HENMT1: variants seen among roughly 807,000 people sequenced by gnomAD.
HENMT1 encodes the protein small RNA 2'-O-methyltransferase.
In HENMT1, 27 loss-of-function variants were observed where a neutral mutation model predicts 31.1. The ratio of observed to expected loss-of-function variants is 0.87; its 90% CI spans 0.64 to 1.20. The LOEUF is 1.20. Ranked by LOEUF, HENMT1 falls within the 50% of genes most tolerant of loss-of-function variation. HENMT1 has a pLI of 0.00. For missense variants in HENMT1, 438 were observed against 469.6 expected (o/e 0.93, Z 0.62); for synonymous variants, 167 against 172.2 (o/e 0.97, Z 0.24).
In HENMT1 at chr1:108,648,728, G is replaced by A. The variant is rs758423454; in HGVS notation, c.1020C>T (p.Phe340=). The part of the protein sequence containing the change: ...PTPFCVGDKF[F]VPLQRLLAYP... ...ACGCAAGGAGTCTCTGCAGAGGTAC[G>A]AAAAATTTATCTCCAACACAGAAGG... The change falls in exon 8 of 8, where the codon TTC becomes TTT. Residue 340 remains phenylalanine (F), a synonymous_variant. Transcript: ENST00000651461. The A allele has an allele frequency of 9.9e-6, 16 of 1,614,090 alleles. No individual in the cohort carries two copies. In the African/African-American group the frequency reaches 1.3e-4, roughly 13 times the overall value.
rs1369073230 is a variant in HENMT1, at chr1:108,648,659, T to G, written c.1089A>C (p.Arg363Ser). The change falls in exon 8 of 8, where the codon AGA becomes AGC. Residue 363 changes from arginine (R) to serine (S), a missense_variant. Coordinates refer to ENST00000651461, the MANE Select transcript of HENMT1 (RefSeq NM_001102592.2). ...NRLCANEEMM[R>S]SVIADSIPLS... ...GAGGAATTGAGTCAGCAATGACTGA[T>G]CTCATCATCTCTTCATTAGCACATA... The G allele has an allele frequency of 4.3e-6, 7 of 1,614,086 alleles. No individual in the cohort carries two copies. The highest frequency in any genetic ancestry group is 5.9e-6 in the Non-Finnish European group (7 of 1,179,970).
Position 108,651,079 on chromosome 1 carries a change from T to C in HENMT1, c.529A>G (p.Arg177Gly). The C allele has an allele frequency of 6.2e-7, 1 of 1,613,892 alleles. No homozygotes were observed. The highest frequency in any genetic ancestry group is 8.5e-7 in the Non-Finnish European group (1 of 1,179,766). The stretch of plus-strand genomic sequence containing the variant: ...CACTCAAATTTATGATCTGAATCTC[T>C]TAAGGTCACTGATGGAAACAGGGGA... ...FNPLFPSVTL[R>G]DSDHKFEWTR... The change falls in exon 6 of 8, where the codon AGA (arginine) becomes GGA (glycine). Residue 177 changes from arginine (R) to glycine (G), a missense_variant. Transcript: ENST00000651461.
Position 108,659,889 on chromosome 1 carries a change from T to C in HENMT1, c.-5A>G. On this transcript the variant is annotated 5_prime_UTR_variant, in exon 2 of 8. Transcript: ENST00000651461. ...CTGTAGATTATTTTCTTCCATTTTG[T>C]TTCGAAGTTTTGTTGAAACAAAAAT... 4 of 1,599,164 alleles carry C rather than the reference T, an allele frequency of 2.5e-6. No individual in the cohort carries two copies. The highest frequency in any genetic ancestry group is 3.4e-6 in the Non-Finnish European group (4 of 1,172,450).
intron 7 of HENMT1, among the ~76,000 whole-genome samples, chr1:108,649,827 T>A (rs1460440022): frequency 6.6e-6 from 1 of 152,136 alleles, no homozygotes; most frequent in Non-Finnish European, 1.5e-5. Flanking sequence ...TTCTGGGTGT[T>A]TTTTTGTAGA....
At chr1:108,653,746 C>T (rs1326354803) in intron 5 of HENMT1, among the ~76,000 whole-genome samples, 3 of 152,076 alleles carry the variant, frequency 2.0e-5, no homozygotes, top group African/African-American at 4.8e-5. Flanking sequence ...CTGTTCAGGT[C>T]CTTTGCCCAC....
Position 108,648,614 on chromosome 1 carries a change from T to G in HENMT1, c.1134A>C (p.Ala378=). The change falls in exon 8 of 8, where the codon GCA becomes GCC. Residue 378 remains alanine (A), a synonymous_variant. Coordinates refer to ENST00000651461, the MANE Select transcript of HENMT1 (RefSeq NM_001102592.2). Reference sequence around the variant, plus strand: ...AATAATTACGCAGGTCAGCCACCACTGCAGAACCATCACTGCTCAGAGGAA... The same window carrying G: ...AATAATTACGCAGGTCAGCCACCACGGCAGAACCATCACTGCTCAGAGGAA... ...DSIPLSSDGS[A]VVADLRNYFD... The G allele has an allele frequency of 6.2e-7, 1 of 1,614,258 alleles. No individual in the cohort carries two copies. The highest frequency in any genetic ancestry group is 8.5e-7 in the Non-Finnish European group (1 of 1,180,040).
Position 108,651,060 on chromosome 1 carries a change from A to G in HENMT1, c.548T>C (p.Phe183Ser). The part of the protein sequence containing the change: ...SVTLRDSDHK[F>S]EWTRMEFQTW... ...CTGAAACTCCATTCTGGTCCACTCA[A>G]ATTTATGATCTGAATCTCTTAAGGT... Residue 183 changes from phenylalanine to serine, a missense_variant, in exon 6 of 8, where the codon TTT becomes TCT. By Grantham distance (155) the Phe-to-Ser change is radical (BLOSUM62 -2). Coordinates refer to ENST00000651461, the MANE Select transcript of HENMT1 (RefSeq NM_001102592.2). 2.5e-6 allele frequency: 4 copies of G among 1,613,982 alleles called. No homozygotes were observed. Among genetic ancestry groups the G allele is most frequent in the Admixed American group, 1.7e-5 (1 of 60,020 alleles).
intron 5 of HENMT1, among the ~76,000 whole-genome samples, chr1:108,652,393 A>G (rs1316654715): frequency 6.6e-6 from 1 of 152,246 alleles, no homozygotes. Flanking sequence ...TACACGTAGA[A>G]AGTTATATTT....
chr1:108,651,748 G>A (rs930059466), intron 5 of HENMT1, among the ~76,000 whole-genome samples: 10 of 151,360 alleles, frequency 6.6e-5, no homozygotes, highest in African/African-American at 2.4e-4. Context: ...AGAAGAGAGG[G>A]GAAGGGAGGG....
intron 2 of HENMT1, among the ~76,000 whole-genome samples, 200 bp downstream of exon 2, chr1:108,659,664 G>C (rs555518597): frequency 1.2e-4 from 19 of 152,310 alleles, no homozygotes; most frequent in African/African-American, 3.8e-4. Flanking sequence ...TTAACACCTA[G>C]TGATAAAAGT....
intron 2 of HENMT1, 88 bp from the exon 3 acceptor site, chr1:108,657,667 TCC>T: frequency 7.8e-7 from 1 of 1,285,110 alleles, no homozygotes; most frequent in Non-Finnish European, 1.1e-6. Context: ...AAACTTTATT[TCC>T]CCCAATCACT....
At chr1:108,649,310 G>C (rs1344707958) in intron 7 of HENMT1, 1 of 482,538 alleles carries the variant, frequency 2.1e-6, no homozygotes, top group Non-Finnish European at 4.1e-6. Context: ...CAGTTAAAAG[G>C]GAAAACGTGG....
At position 108,650,201 on chromosome 1, in the gene HENMT1, G is replaced by C. The variant is rs766302761; in HGVS notation, c.756+10C>G. On this transcript the variant is annotated intron_variant, in intron 7 of 7. Coordinates refer to ENST00000651461, the MANE Select transcript of HENMT1 (RefSeq NM_001102592.2). ...CTAGCCCTGATAGCTATCTCACAAA[G>C]AATACTCACAGCTTTATAAACATGC... 6.2e-7 allele frequency: 1 copy of C among 1,612,312 alleles called. No homozygotes were observed.
chr1:108,655,794 C>T (rs1658218352), intron 3 of HENMT1, 96 bp from the exon 4 acceptor site: 1 of 550,918 alleles, frequency 1.8e-6, no homozygotes, highest in Non-Finnish European at 3.2e-6. Flanking sequence ...GAGTATATAT[C>T]AGTAATAAAA....
At position 108,651,226 on chromosome 1, in the gene HENMT1, G is replaced by A. The variant is rs377579588; in HGVS notation, c.399-17C>T. 6 of 1,590,878 alleles carry A rather than the reference G, an allele frequency of 3.8e-6. No individual in the cohort carries two copies. In the African/African-American group the frequency reaches 6.7e-5, roughly 18 times the overall value. On this transcript the variant is annotated splice_polypyrimidine_tract_variant and intron_variant, in intron 5 of 7. Coordinates refer to ENST00000651461, the MANE Select transcript of HENMT1 (RefSeq NM_001102592.2). ...TGTTCTATTCTAAAATGGTTAATGA[G>A]AAAGACATAATAAAATCTAGCTTCA...
chr1:108,655,754 C>A, intron 3 of HENMT1, 56 bp from the exon 4 acceptor site: 9 of 1,205,388 alleles, frequency 7.5e-6, no homozygotes, highest in East Asian at 2.6e-5. Flanking sequence ...GAAGTATGAT[C>A]AAAAACTTTT....
chr1:108,651,337 T>C (rs1423540372), intron 5 of HENMT1, 128 bp from the exon 6 acceptor site: 2 of 749,740 alleles, frequency 2.7e-6, no homozygotes, highest in Non-Finnish European at 4.3e-6. Context: ...GTAATAATGC[T>C]TATATGACCT....
chr1:108,658,258 G>A (rs923785848), intron 2 of HENMT1, among the ~76,000 whole-genome samples: 1 of 151,796 alleles, frequency 6.6e-6, no homozygotes, highest in African/African-American at 2.4e-5. Context: ...TCAGCCTCCC[G>A]AGTAGCTGGG....
intron 7 of HENMT1, chr1:108,649,549 A>G (rs1657985436): frequency 2.8e-6 from 1 of 360,218 alleles, no homozygotes; most frequent in Admixed American, 3.6e-5. Flanking sequence ...CCAGGAATTC[A>G]AGGTTACAGT....
Sources: allele counts gnomAD v4.1 joint callset (sites outside exome capture counted in the v4.1 genomes callset), GRCh38; gene constraint gnomAD v4.1.1; transcripts MANE v1.5; gene names NCBI Gene and HGNC (gene_info 2026-07-23, HGNC 2026-07-21).